The following ROBO2 variants were observed in gnomAD, a reference collection of about 807,000 sequenced individuals.
The protein encoded by ROBO2 is roundabout homolog 2.
ROBO2 carries 53 observed loss-of-function variants against 160.8 expected under a neutral mutation model. The ratio of observed to expected loss-of-function variants is 0.33; its 90% CI spans 0.26 to 0.41. ROBO2 has a LOEUF of 0.41. ROBO2 is among the 10% of genes least tolerant of loss of function. ROBO2 has a pLI of 1.00. For synonymous variants in ROBO2, 664 were observed against 611.7 expected (o/e 1.09, Z -1.26); for missense variants, 1,577 against 1,722.4 (o/e 0.92, Z 1.49).
chr3:76,676,151 A>T (rs1272737058), intron 2 of ROBO2, among the ~76,000 whole-genome samples: 2 of 152,098 alleles, frequency 1.3e-5, no homozygotes, highest in Non-Finnish European at 2.9e-5. Context: ...CCAAAATCTC[A>T]TCTTGAATTG....
chr3:76,885,737 C>G (rs1405013833), intron 2 of ROBO2, among the ~76,000 whole-genome samples: 1 of 151,970 alleles, frequency 6.6e-6, no homozygotes, highest in East Asian at 1.9e-4. Context: ...GCCTAAGAAT[C>G]TCTCTCTGGG....
At chr3:76,466,453 T>C (rs770715459) in intron 2 of ROBO2, among the ~76,000 whole-genome samples, 4 of 152,010 alleles carry the variant, frequency 2.6e-5, no homozygotes, top group Non-Finnish European at 5.9e-5. Context: ...CTATTCTTTT[T>C]TTATTCAGTA....
intron 2 of ROBO2, among the ~76,000 whole-genome samples, chr3:76,132,634 A>G (rs1173964791): frequency 6.6e-6 from 1 of 152,056 alleles, no homozygotes; most frequent in Non-Finnish European, 1.5e-5. Flanking sequence ...ATTTTACTAT[A>G]TAGTGTTTGG....
intron 2 of ROBO2, among the ~76,000 whole-genome samples, chr3:76,300,669 T>G (rs1021063126): frequency 6.6e-6 from 1 of 152,094 alleles, no homozygotes; most frequent in South Asian, 2.1e-4. Flanking sequence ...TAAATTGTAC[T>G]ATTAAGCATA....
At chr3:76,692,494 T>A (rs1289807177) in intron 2 of ROBO2, among the ~76,000 whole-genome samples, 5 of 152,146 alleles carry the variant, frequency 3.3e-5, no homozygotes, top group Non-Finnish European at 7.4e-5. Context: ...TGTTTTCTAT[T>A]CGTCACAAGG....
intron 2 of ROBO2, among the ~76,000 whole-genome samples, chr3:76,232,264 T>C (rs1370715186): frequency 3.9e-5 from 6 of 152,190 alleles, no homozygotes; most frequent in African/African-American, 1.4e-4. Context: ...CTTCATAAGG[T>C]ATAGTAGACT....
At chr3:76,209,083 A>G (rs1702984605) in intron 2 of ROBO2, among the ~76,000 whole-genome samples, 1 of 152,182 alleles carries the variant, frequency 6.6e-6, no homozygotes, top group Non-Finnish European at 1.5e-5. Context: ...ACTCTTCCAG[A>G]TTATCCCCAA....
chr3:76,096,841 C>T (rs558869812), intron 2 of ROBO2, among the ~76,000 whole-genome samples: 26 of 152,246 alleles, frequency 1.7e-4, no homozygotes, highest in African/African-American at 6.3e-4. Context: ...TAATGAACAT[C>T]CACCATGAAC....
At chr3:77,458,701 C>T (rs1427777601) in intron 2 of ROBO2, among the ~76,000 whole-genome samples, 1 of 151,850 alleles carries the variant, frequency 6.6e-6, no homozygotes, top group Non-Finnish European at 1.5e-5. Context: ...ATAGATTTAG[C>T]TTAATGTTCA....
At chr3:76,395,471 A>AAGATC (rs1553735678) in intron 2 of ROBO2, among the ~76,000 whole-genome samples, 2 of 121,240 alleles carry the variant, frequency 1.6e-5, no homozygotes, top group African/African-American at 3.5e-5. Context: ...AGAAATAACT[A>AAGATC]AGAGCAGAAC....
At chr3:77,304,545 A>C (rs541518567) in intron 2 of ROBO2, among the ~76,000 whole-genome samples, 1 of 152,306 alleles carries the variant, frequency 6.6e-6, no homozygotes, top group Non-Finnish European at 1.5e-5. Flanking sequence ...AGCGCACTCA[A>C]CTTACAAATG....
intron 2 of ROBO2, among the ~76,000 whole-genome samples, chr3:76,437,944 T>A (rs2076758299): frequency 6.6e-6 from 1 of 152,174 alleles, no homozygotes; most frequent in Non-Finnish European, 1.5e-5. Context: ...GGAAGGGTAC[T>A]GCTGCCCTCT....
intron 2 of ROBO2, among the ~76,000 whole-genome samples, chr3:77,019,161 G>C (rs983962589): frequency 1.3e-5 from 2 of 152,194 alleles, no homozygotes; most frequent in East Asian, 3.9e-4. Flanking sequence ...CCATAAACTG[G>C]GTATCTTATA....
At chr3:76,954,340 C>T (rs1426458791) in intron 2 of ROBO2, among the ~76,000 whole-genome samples, 1 of 152,124 alleles carries the variant, frequency 6.6e-6, no homozygotes, top group Non-Finnish European at 1.5e-5. Flanking sequence ...CCTAATAAAC[C>T]ATAACTCACA....
intron 2 of ROBO2, among the ~76,000 whole-genome samples, chr3:77,033,030 C>T (rs2063416756): frequency 6.6e-6 from 1 of 152,146 alleles, no homozygotes. Flanking sequence ...GTATTGTAAA[C>T]AATTAAAATG....
At chr3:76,239,954 G>A (rs1426764742) in intron 2 of ROBO2, among the ~76,000 whole-genome samples, 1 of 152,016 alleles carries the variant, frequency 6.6e-6, no homozygotes, top group Non-Finnish European at 1.5e-5. Flanking sequence ...TTGCAGGCAC[G>A]TTGGGAGTGA....
At chr3:76,727,505 T>C (rs1212610103) in intron 2 of ROBO2, among the ~76,000 whole-genome samples, 1 of 152,160 alleles carries the variant, frequency 6.6e-6, no homozygotes, top group Non-Finnish European at 1.5e-5. Context: ...GACTCTAATG[T>C]ACTGAGAATA....
intron 2 of ROBO2, among the ~76,000 whole-genome samples, chr3:76,555,543 G>A (rs73129157): frequency 0.025 from 3,809 of 152,196 alleles, 76 homozygotes; most frequent in Non-Finnish European, 0.04. Context: ...TATGCTTAAT[G>A]CCAATTGGAA....
chr3:76,376,191 T>A (rs1015244608), intron 2 of ROBO2, among the ~76,000 whole-genome samples: 2 of 152,116 alleles, frequency 1.3e-5, no homozygotes. Flanking sequence ...CCTACTTTAT[T>A]GTTCCAAGCT....
Sources: gnomAD v4.1 joint callset for allele counts (sites outside exome capture counted in the v4.1 genomes callset) on GRCh38, gnomAD v4.1.1 for gene constraint, MANE v1.5 for transcripts, NCBI Gene and HGNC (gene_info 2026-07-23, HGNC 2026-07-21) for gene names.